TCERG1L: variants seen among roughly 807,000 people sequenced by gnomAD.
The protein encoded by TCERG1L is transcription elongation regulator 1 like.
In TCERG1L, 37 loss-of-function variants were observed where a neutral mutation model predicts 56.3. The observed-to-expected ratio is 0.66, with a 90% CI of 0.51 to 0.87. The LOEUF is 0.87. Among genes scored for constraint, TCERG1L ranks in the 40% least tolerant of loss-of-function variants. The probability of loss-of-function intolerance (pLI) is 0.00; values close to 1 mark genes in which losing one functional copy is unlikely to be tolerated. For synonymous variants in TCERG1L, 324 were observed against 326.3 expected, an observed-to-expected ratio of 0.99 and a Z score of 0.08; for missense variants, 799 against 774.2, an observed-to-expected ratio of 1.03 and a Z score of -0.38.
intron 4 of TCERG1L, among the ~76,000 whole-genome samples, chr10:131,231,589 G>A (rs990698731): frequency 6.6e-6 from 1 of 152,090 alleles, no homozygotes; most frequent in African/African-American, 2.4e-5. Flanking sequence ...GAGGGGTTCG[G>A]AGCAGGGAAA....
chr10:131,269,378 G>A (rs1420651372), intron 3 of TCERG1L, among the ~76,000 whole-genome samples: 2 of 152,116 alleles, frequency 1.3e-5, no homozygotes, highest in Non-Finnish European at 1.5e-5. Context: ...GTAGAGACAG[G>A]GTTTTGCCAT....
At chr10:131,206,648 T>C (rs1845531077) in intron 4 of TCERG1L, among the ~76,000 whole-genome samples, 2 of 152,114 alleles carry the variant, frequency 1.3e-5, no homozygotes, top group Admixed American at 1.3e-4. Flanking sequence ...GGGACGACTG[T>C]GATGAGAACA....
chr10:131,143,349 C>A (rs1294367068), intron 7 of TCERG1L, among the ~76,000 whole-genome samples: 2 of 152,148 alleles, frequency 1.3e-5, no homozygotes, highest in East Asian at 3.9e-4. Flanking sequence ...TCCTCGACCC[C>A]TTGGAGGCAC....
intron 7 of TCERG1L, among the ~76,000 whole-genome samples, chr10:131,138,503 C>G (rs1429510781): frequency 6.6e-6 from 1 of 152,154 alleles, no homozygotes; most frequent in African/African-American, 2.4e-5. Context: ...CAATGCCTAG[C>G]ATATCTACTT....
At chr10:131,196,302 C>T (rs1164830452) in intron 4 of TCERG1L, among the ~76,000 whole-genome samples, 1 of 152,144 alleles carries the variant, frequency 6.6e-6, no homozygotes, top group Non-Finnish European at 1.5e-5. Context: ...TGATCACTGT[C>T]CCTGCTTGAA....
intron 4 of TCERG1L, among the ~76,000 whole-genome samples, chr10:131,195,143 A>G (rs1845345095): frequency 6.6e-6 from 1 of 152,164 alleles, no homozygotes; most frequent in East Asian, 1.9e-4. Flanking sequence ...GAAGCAGGTG[A>G]ATATTTTTAT....
intron 4 of TCERG1L, among the ~76,000 whole-genome samples, chr10:131,176,059 T>C (rs1846144301): frequency 6.6e-6 from 1 of 152,158 alleles, no homozygotes; most frequent in Admixed American, 6.5e-5. Flanking sequence ...AGAGCTTCAG[T>C]CTGTCGCTTC....
intron 9 of TCERG1L, among the ~76,000 whole-genome samples, chr10:131,106,457 C>G (rs1354955361): frequency 6.6e-6 from 1 of 152,164 alleles, no homozygotes; most frequent in African/African-American, 2.4e-5. Context: ...ATTCCAGGAC[C>G]AGCTGGTGGT....
intron 3 of TCERG1L, among the ~76,000 whole-genome samples, chr10:131,291,257 A>G (rs1846617938): frequency 6.6e-6 from 1 of 151,858 alleles, no homozygotes; most frequent in Admixed American, 6.6e-5. Flanking sequence ...TGTCAGTACC[A>G]CATATTTAAA....
chr10:131,247,906 GCA>G (rs60713105), intron 4 of TCERG1L, among the ~76,000 whole-genome samples: 29,366 of 128,332 alleles, frequency 0.23, 3,253 homozygotes, highest in East Asian at 0.37. Context: ...GTGCACACAC[GCA>G]CACACACGCA....
At chr10:131,281,329 C>A (rs1282379021) in intron 3 of TCERG1L, among the ~76,000 whole-genome samples, 1 of 152,092 alleles carries the variant, frequency 6.6e-6, no homozygotes, top group Non-Finnish European at 1.5e-5. Context: ...GTCCACCGTG[C>A]AGCTTTGTCT....
At chr10:131,273,589 T>G (rs1472878125) in intron 3 of TCERG1L, among the ~76,000 whole-genome samples, 1 of 152,178 alleles carries the variant, frequency 6.6e-6, no homozygotes, top group Non-Finnish European at 1.5e-5. Flanking sequence ...CTTTCCCGCC[T>G]CCATCCAGGC....
chr10:131,132,684 G>GGCT (rs774500458), intron 8 of TCERG1L, among the ~76,000 whole-genome samples: 1 of 152,240 alleles, frequency 6.6e-6, no homozygotes, highest in Non-Finnish European at 1.5e-5. Context: ...AAATCAGAGA[G>GGCT]GCTGCACTGG....
chr10:131,096,671 C>T (rs543169000), intron 11 of TCERG1L, among the ~76,000 whole-genome samples: 3 of 152,208 alleles, frequency 2.0e-5, no homozygotes, highest in African/African-American at 7.2e-5. Flanking sequence ...GAGGCCAAGG[C>T]GGGTGGATCA....
chr10:131,147,998 C>G (rs1204965395), intron 6 of TCERG1L, among the ~76,000 whole-genome samples: 3 of 152,238 alleles, frequency 2.0e-5, no homozygotes, highest in Non-Finnish European at 4.4e-5. Flanking sequence ...CCTGGGCAGA[C>G]CAGGACCCCT....
intron 9 of TCERG1L, among the ~76,000 whole-genome samples, chr10:131,110,534 C>G (rs1014769974): frequency 6.6e-6 from 1 of 152,244 alleles, no homozygotes; most frequent in Non-Finnish European, 1.5e-5. Flanking sequence ...AGGGAAGAGA[C>G]CCCAAAGCAC....
chr10:131,165,886 G>A (rs1846025548), intron 5 of TCERG1L, among the ~76,000 whole-genome samples: 1 of 152,208 alleles, frequency 6.6e-6, no homozygotes, highest in African/African-American at 2.4e-5. Context: ...TCATAAAAGT[G>A]AATTAGACTC....
chr10:131,146,043 G>T (rs528605563), intron 7 of TCERG1L, among the ~76,000 whole-genome samples: 1 of 152,276 alleles, frequency 6.6e-6, no homozygotes, highest in Admixed American at 6.5e-5. Flanking sequence ...TCCCCTGTCC[G>T]TGACCAGGGT....
chr10:131,160,275 C>T (rs1179361223), intron 6 of TCERG1L, among the ~76,000 whole-genome samples: 1 of 152,224 alleles, frequency 6.6e-6, no homozygotes, highest in East Asian at 1.9e-4. Context: ...ATCCACACTG[C>T]ACCTCTGCCT....
Sources: allele counts gnomAD v4.1 joint callset (sites outside exome capture counted in the v4.1 genomes callset), GRCh38; gene constraint gnomAD v4.1.1; transcripts MANE v1.5; gene names NCBI Gene and HGNC (gene_info 2026-07-23, HGNC 2026-07-21).